The following NR5A2 variants were observed in gnomAD, a reference collection of about 807,000 sequenced individuals.
NR5A2 encodes the protein nuclear receptor subfamily 5 group A member 2.
A neutral mutation model predicts 62.7 loss-of-function variants in NR5A2; 26 were observed. The ratio of observed to expected loss-of-function variants is 0.41; its 90% CI spans 0.30 to 0.58. The LOEUF is 0.58. NR5A2 is among the 20% of genes least tolerant of loss of function. The probability of loss-of-function intolerance (pLI) is 0.22; values close to 1 mark genes in which losing one functional copy is unlikely to be tolerated. For synonymous variants in NR5A2, 246 were observed against 241.7 expected (o/e 1.02, Z -0.16); for missense variants, 541 against 669.1 (o/e 0.81, Z 2.11).
At chr1:200,038,884 T>A in intron 1 of NR5A2, 1 of 607,498 alleles carries the variant, frequency 1.6e-6, no homozygotes, top group Non-Finnish European at 2.4e-6. Context: ...CTGAGCCTCA[T>A]CCTTATTGGC....
At chr1:200,057,095 A>G (rs16845836) in intron 5 of NR5A2, among the ~76,000 whole-genome samples, 2,907 of 152,350 alleles carry the variant, frequency 0.019, 95 homozygotes, top group African/African-American at 0.067. Context: ...AAAAGAAAAC[A>G]TAATGAATTT....
chr1:200,175,169 C>T lies in NR5A2; in HGVS notation c.*959C>T, dbSNP rs1472122332. ...GTTCATTTAAAAATACAACATTAAA[C>T]ACATTTTGCTAGGATGTCAAATAGT... On this transcript the variant is annotated 3_prime_UTR_variant, in exon 8 of 8. Coordinates refer to ENST00000367362, the MANE Select transcript of NR5A2 (RefSeq NM_205860.3). 1 of 152,618 alleles carries T rather than the reference C, an allele frequency of 6.6e-6. No homozygotes were observed. The highest frequency in any genetic ancestry group is 1.5e-5 in the Non-Finnish European group (1 of 68,030). The allele number at this position is 152,618 out of a possible 1,614,324, so 9.5% of individuals were successfully genotyped here. A position where few individuals can be genotyped will look rare whatever the true frequency, so the allele number is the denominator to read the frequency against.
In NR5A2 at chr1:200,039,909, T is replaced by C; in HGVS notation, c.202+114T>C. ...GCGCGGGAGTAGCCCCGCTGGGCGC[T>C]CGCAGCCGCGGGAGTCAAGCCCCCT... On this transcript the variant is annotated intron_variant, in intron 2 of 7. Coordinates refer to ENST00000367362, the MANE Select transcript of NR5A2 (RefSeq NM_205860.3). This position sits in a 1 kb window ranked among gnomAD's most constrained non-coding sequence, Gnocchi z 5.1. 8.1e-7 allele frequency: 1 copy of C among 1,237,418 alleles called. No homozygotes were observed. The highest frequency in any genetic ancestry group is 1.1e-6 in the Non-Finnish European group (1 of 933,120). The allele number at this position is 1,237,418 out of a possible 1,614,324, so 76.7% of individuals were successfully genotyped here. A position where few individuals can be genotyped will look rare whatever the true frequency, so the allele number is the denominator to read the frequency against.
At chr1:200,038,065 C>T (rs1474301713) in intron 1 of NR5A2, among the ~76,000 whole-genome samples, 5 of 152,216 alleles carry the variant, frequency 3.3e-5, no homozygotes, top group South Asian at 2.1e-4. Context: ...TGAGGCATTT[C>T]GCATGCAGTC....
At chr1:200,040,689 G>A (rs1368747185) in intron 2 of NR5A2, among the ~76,000 whole-genome samples, 3 of 152,212 alleles carry the variant, frequency 2.0e-5, no homozygotes, top group African/African-American at 7.2e-5. Context: ...GCGGGCCGGC[G>A]GGCCTGTGAT....
chr1:200,164,779 C>CTTGA (rs1228784160), intron 7 of NR5A2, among the ~76,000 whole-genome samples: 4 of 151,430 alleles, frequency 2.6e-5, no homozygotes, highest in Non-Finnish European at 5.9e-5. Flanking sequence ...AACTCCTGAC[C>CTTGA]TCAAGTGATC....
intron 2 of NR5A2, chr1:200,042,712 GCCC>G: frequency 1.5e-6 from 1 of 655,196 alleles, no homozygotes; most frequent in Non-Finnish European, 1.9e-6. Context: ...ACCTGCGGGT[GCCC>G]GCCCACCCGC....
intron 5 of NR5A2, among the ~76,000 whole-genome samples, chr1:200,062,465 A>T (rs1663274378): frequency 6.6e-6 from 1 of 152,212 alleles, no homozygotes; most frequent in Admixed American, 6.5e-5. Flanking sequence ...GATGAATAAG[A>T]GGCTTTACTT....
intron 5 of NR5A2, among the ~76,000 whole-genome samples, chr1:200,106,064 C>CTGTT (rs72295630): frequency 6.8e-6 from 1 of 147,566 alleles, no homozygotes; most frequent in Non-Finnish European, 1.5e-5. Context: ...ATTCACTCTT[C>CTGTT]TTTTTTTTTT....
At chr1:200,102,511 G>A (rs1485861204) in intron 5 of NR5A2, among the ~76,000 whole-genome samples, 1 of 152,070 alleles carries the variant, frequency 6.6e-6, no homozygotes, top group Non-Finnish European at 1.5e-5. Context: ...TGTGCTATTC[G>A]TTCACTTTAC....
At position 200,039,770 on chromosome 1, in the gene NR5A2, G is replaced by A; in HGVS notation, c.177G>A (p.Gln59=). 1 of 1,608,596 alleles carries A rather than the reference G, an allele frequency of 6.2e-7. No individual in the cohort carries two copies. The highest frequency in any genetic ancestry group is 1.1e-5 in the South Asian group (1 of 90,768). ...ALGLARSHGE[Q]GQMPENMQVS... ...GACTGGCTCGATCGCATGGGGAACA[G>A]GGCCAGATGCCGGAAAACATGCAAG... The change falls in exon 2 of 8, where the codon CAG becomes CAA. Residue 59 remains glutamine, a synonymous_variant. Transcript: ENST00000367362. This position sits in a 1 kb window ranked among gnomAD's most constrained non-coding sequence, Gnocchi z 5.1.
chr1:200,157,633 G>A (rs893152299), intron 7 of NR5A2, among the ~76,000 whole-genome samples: 1 of 152,186 alleles, frequency 6.6e-6, no homozygotes, highest in African/African-American at 2.4e-5. Flanking sequence ...TGGATTTTCT[G>A]TCTTTCATAT....
At chr1:200,075,234 C>A (rs1308003052) in intron 5 of NR5A2, among the ~76,000 whole-genome samples, 1 of 152,126 alleles carries the variant, frequency 6.6e-6, no homozygotes, top group Non-Finnish European at 1.5e-5. Flanking sequence ...ACCAAGTATA[C>A]ATAAGTCAGA....
chr1:200,116,245 ACAG>A (rs1666210147), intron 6 of NR5A2, among the ~76,000 whole-genome samples: 2 of 152,298 alleles, frequency 1.3e-5, no homozygotes, highest in South Asian at 2.1e-4. Context: ...CTTTGGACAG[ACAG>A]AGGAATGCAA....
At chr1:200,034,651 G>A (rs917504670) in intron 1 of NR5A2, among the ~76,000 whole-genome samples, 1 of 151,790 alleles carries the variant, frequency 6.6e-6, no homozygotes, top group Non-Finnish European at 1.5e-5. Flanking sequence ...TTCGGCTTTC[G>A]TTTTCCTCCG....
intron 7 of NR5A2, among the ~76,000 whole-genome samples, chr1:200,167,786 G>T (rs1653972964): frequency 1.3e-5 from 2 of 152,054 alleles, no homozygotes. Flanking sequence ...CCTTCTCTAG[G>T]GTTTGTATAT....
chr1:200,162,603 AT>A (rs1366359048), intron 7 of NR5A2, among the ~76,000 whole-genome samples: 1 of 152,180 alleles, frequency 6.6e-6, no homozygotes, highest in East Asian at 1.9e-4. Context: ...GGCGGGGACA[AT>A]ATTGGAGGAA....
At chr1:200,028,991 G>A in intron 1 of NR5A2, 1 of 413,632 alleles carries the variant, frequency 2.4e-6, no homozygotes, top group Non-Finnish European at 4.8e-6. Flanking sequence ...GAAAACATGG[G>A]GAAGGTAAGC....
chr1:200,043,967 C>A, intron 3 of NR5A2, 75 bp downstream of exon 3: 2 of 935,966 alleles, frequency 2.1e-6, no homozygotes, highest in Middle Eastern at 2.1e-4. Context: ...TTCTTTTAAG[C>A]TAAATTTAGG....
Sources: allele counts gnomAD v4.1 joint callset (sites outside exome capture counted in the v4.1 genomes callset), GRCh38; gene constraint gnomAD v4.1.1; non-coding constraint Gnocchi (gnomAD v3.1); transcripts MANE v1.5; gene names NCBI Gene and HGNC (gene_info 2026-07-23, HGNC 2026-07-21).